The following PTPRG variants were observed in gnomAD, a reference collection of about 807,000 sequenced individuals.
The protein encoded by PTPRG is protein tyrosine phosphatase receptor type G, also known as receptor-type tyrosine-protein phosphatase gamma.
Under a neutral mutation model 165.3 loss-of-function variants are expected in PTPRG, and 102 were observed. The ratio of observed to expected loss-of-function variants is 0.62; its 90% CI spans 0.53 to 0.73. The LOEUF is 0.73. Ranked by LOEUF, PTPRG falls within the 30% of genes least tolerant of loss-of-function variation. The pLI is 0.00. For synonymous variants in PTPRG, 675 were observed against 669.5 expected (o/e 1.01, Z -0.13); for missense variants, 1,866 against 1,861.4 (o/e 1.00, Z -0.05).
intron 2 of PTPRG, among the ~76,000 whole-genome samples, chr3:61,841,515 C>A (rs909684018): frequency 2.6e-5 from 4 of 152,174 alleles, no homozygotes; most frequent in African/African-American, 9.7e-5. Flanking sequence ...TCTTTTCAAA[C>A]CTTTTTATTG....
chr3:62,237,065 G>A lies in PTPRG; in HGVS notation c.2375+5754G>A, dbSNP rs531523922. On this transcript the variant is annotated intron_variant, in intron 14 of 29. Transcript: ENST00000474889. The surrounding 1 kb of genome is among the most constrained non-coding windows in gnomAD (Gnocchi z 4.5). ...TTCAGTCTTTCTGCACTCAAGTTCA[G>A]CACTTTGCTTCTGAAAAATATTGGT... Among the ~76,000 whole-genome samples the A allele has an allele frequency of 4.6e-5, 7 of 152,226 alleles. No individual in the cohort carries two copies. The South Asian group carries it at 1.2e-3, about 27-fold the overall frequency.
chr3:61,846,993 C>G (rs1264358992), intron 2 of PTPRG, among the ~76,000 whole-genome samples: 1 of 152,182 alleles, frequency 6.6e-6, no homozygotes, highest in Non-Finnish European at 1.5e-5. Flanking sequence ...TGGCTATTCA[C>G]ATTCAAATAG....
intron 13 of PTPRG, among the ~76,000 whole-genome samples, chr3:62,227,560 C>T (rs1391695255): frequency 6.6e-6 from 1 of 152,216 alleles, no homozygotes; most frequent in Non-Finnish European, 1.5e-5. Context: ...ATGACTTGTC[C>T]AGGATCATAG....
chr3:61,603,634 TGTG>T (rs1181189056), intron 1 of PTPRG, among the ~76,000 whole-genome samples: 1 of 152,200 alleles, frequency 6.6e-6, no homozygotes, highest in East Asian at 1.9e-4. Flanking sequence ...GCCTCACAGT[TGTG>T]GAGTTCAGAT....
At chr3:61,782,937 G>A (rs748596371) in intron 2 of PTPRG, among the ~76,000 whole-genome samples, 4 of 151,932 alleles carry the variant, frequency 2.6e-5, no homozygotes, top group African/African-American at 9.7e-5. Context: ...TAAGTAATTG[G>A]GACTACAGGT....
intron 2 of PTPRG, among the ~76,000 whole-genome samples, chr3:61,987,939 A>C (rs2040800335): frequency 6.6e-6 from 1 of 152,192 alleles, no homozygotes. Flanking sequence ...AATGCATACT[A>C]TCCCTTTGTG....
chr3:61,819,712 C>T (rs914147102), intron 2 of PTPRG, among the ~76,000 whole-genome samples: 13 of 151,880 alleles, frequency 8.6e-5, no homozygotes, highest in Middle Eastern at 3.2e-3. Flanking sequence ...ATGCAATCAG[C>T]AAAACAGACA....
chr3:61,833,629 C>A (rs1157322634), intron 2 of PTPRG, among the ~76,000 whole-genome samples: 1 of 151,512 alleles, frequency 6.6e-6, no homozygotes, highest in African/African-American at 2.4e-5. Flanking sequence ...GTGGTGTGAT[C>A]TCGGCTCGCT....
chr3:61,887,796 A>G (rs1264058838), intron 2 of PTPRG, among the ~76,000 whole-genome samples: 1 of 152,140 alleles, frequency 6.6e-6, no homozygotes, highest in Non-Finnish European at 1.5e-5. Flanking sequence ...GTATCTTTGC[A>G]TATATTCTTT....
chr3:61,797,046 G>A (rs1448531476), intron 2 of PTPRG, among the ~76,000 whole-genome samples: 1 of 152,186 alleles, frequency 6.6e-6, no homozygotes, highest in East Asian at 1.9e-4. Context: ...AAAACGTAGA[G>A]CAGCTCCTGG....
chr3:61,838,635 C>T lies in PTPRG; in HGVS notation c.190+89653C>T, dbSNP rs560097975. Among the ~76,000 whole-genome samples the T allele has an allele frequency of 9.2e-5, 14 of 152,182 alleles. No homozygotes were observed. The South Asian group carries it at 2.1e-3, about 23-fold the overall frequency. On this transcript the variant is annotated intron_variant, in intron 2 of 29. Transcript: ENST00000474889. ...TCTGCTTGTATTTGGACCTTTTGAA[C>T]GAAATACCAGAATGACTTTTTAAAA... is the stretch of plus-strand genomic sequence containing the variant.
At chr3:61,871,831 A>AT (rs2037593671) in intron 2 of PTPRG, among the ~76,000 whole-genome samples, 1 of 152,162 alleles carries the variant, frequency 6.6e-6, no homozygotes. Flanking sequence ...CTTTTGAAGG[A>AT]GATCAGTTGC....
At chr3:61,653,675 T>A (rs987759538) in intron 1 of PTPRG, among the ~76,000 whole-genome samples, 4 of 152,236 alleles carry the variant, frequency 2.6e-5, no homozygotes, top group African/African-American at 9.6e-5. Flanking sequence ...GCCCTGCCAT[T>A]TTCTCAGATG....
intron 2 of PTPRG, among the ~76,000 whole-genome samples, chr3:61,884,831 C>T (rs999718093): frequency 5.3e-5 from 8 of 152,148 alleles, no homozygotes; most frequent in Admixed American, 3.3e-4. Flanking sequence ...CTTGCCATTA[C>T]TACTAAACTC....
chr3:62,126,483 T>G (rs2106909559), intron 5 of PTPRG, among the ~76,000 whole-genome samples: 1 of 152,346 alleles, frequency 6.6e-6, no homozygotes, highest in Non-Finnish European at 1.5e-5. Context: ...TGTTTTCATA[T>G]TAATCCCTTC....
At chr3:61,807,179 GGA>G (rs1450484333) in intron 2 of PTPRG, among the ~76,000 whole-genome samples, 2 of 152,120 alleles carry the variant, frequency 1.3e-5, no homozygotes, top group African/African-American at 4.8e-5. Flanking sequence ...TAAATCACAA[GGA>G]GAGAGGGCAT....
At chr3:62,164,359 T>A (rs1015614595) in intron 7 of PTPRG, among the ~76,000 whole-genome samples, 1 of 152,160 alleles carries the variant, frequency 6.6e-6, no homozygotes, top group African/African-American at 2.4e-5. Flanking sequence ...CTCTCACCAA[T>A]CCAAGGCTCC....
chr3:61,922,461 T>G (rs73842141), intron 2 of PTPRG, among the ~76,000 whole-genome samples: 441 of 152,258 alleles, frequency 2.9e-3, no homozygotes, highest in African/African-American at 0.01. Context: ...CATACACTTG[T>G]GTAGGAATGT....
chr3:61,810,195 G>A (rs1181668101), intron 2 of PTPRG, among the ~76,000 whole-genome samples: 2 of 152,124 alleles, frequency 1.3e-5, no homozygotes, highest in African/African-American at 4.8e-5. Flanking sequence ...CAATACGACT[G>A]GTACAGAGAA....
Sources: gnomAD v4.1 joint callset for allele counts (sites outside exome capture counted in the v4.1 genomes callset) on GRCh38, gnomAD v4.1.1 for gene constraint, Gnocchi (gnomAD v3.1) non-coding constraint, MANE v1.5 for transcripts, NCBI Gene and HGNC (gene_info 2026-07-23, HGNC 2026-07-21) for gene names.